Variants in NLRP14 observed in about 807,000 individuals in gnomAD.
NLRP14 encodes NLR family pyrin domain containing 14, also known as NACHT, LRR and PYD domains-containing protein 14.
Under a neutral mutation model 94.7 loss-of-function variants are expected in NLRP14, and 105 were observed. That is an observed-to-expected ratio of 1.11 (90% CI 0.95 to 1.30). NLRP14 has a LOEUF of 1.30. Ranked by LOEUF, NLRP14 falls within the 50% of genes most tolerant of loss-of-function variation. NLRP14 has a pLI of 0.00. For synonymous variants in NLRP14, 508 were observed against 459.9 expected (o/e 1.10, Z -1.34); for missense variants, 1,362 against 1,254.1 (o/e 1.09, Z -1.30).
At chr11:7,036,441 G>A (rs1852161490) in intron 1 of NLRP14, among the ~76,000 whole-genome samples, 1 of 152,000 alleles carries the variant, frequency 6.6e-6, no homozygotes, top group South Asian at 2.1e-4. Flanking sequence ...TCGGCTCAAA[G>A]GGACACCCAG....
chr11:7,077,956 G>C, the NLRP14 span, among the ~76,000 whole-genome samples: 6 of 151,862 alleles, frequency 4.0e-5, no homozygotes, highest in African/African-American at 1.5e-4. Context: ...GGTGGGGTGG[G>C]GGGGACCCTG....
At chr11:7,087,855 A>C in the NLRP14 span, among the ~76,000 whole-genome samples, 3 of 152,216 alleles carry the variant, frequency 2.0e-5, no homozygotes, top group Non-Finnish European at 4.4e-5. Context: ...GCATCACACA[A>C]AATGGACTAA....
chr11:7,049,889 G>A, intron 6 of NLRP14, 51 bp downstream of exon 6: 2 of 1,470,546 alleles, frequency 1.4e-6, no homozygotes, highest in Non-Finnish European at 1.9e-6. Flanking sequence ...TGAGGCTTTT[G>A]TCTATCCAAG....
rs1852552984 is a variant in NLRP14 at position 7,058,377 on chromosome 11, G to A, written c.2560G>A (p.Val854Ile). The change falls in exon 8 of 12, where the codon GTC (valine) becomes ATC (isoleucine). Residue 854 changes from valine to isoleucine, a missense_variant. Transcript: ENST00000299481. ...GACACATTTGTGCTTGGCAGACAAT[G>A]TCTTGGGTGATGGTGGAGTAAAGCT... ...RLTHLCLADN[V>I]LGDGGVKLMS... The A allele has an allele frequency of 6.2e-7, 1 of 1,612,788 alleles. No individual in the cohort carries two copies. The highest frequency in any genetic ancestry group is 1.3e-5 in the African/African-American group (1 of 74,844).
At chr11:7,083,232 G>A in the NLRP14 span, among the ~76,000 whole-genome samples, 1 of 152,240 alleles carries the variant, frequency 6.6e-6, no homozygotes, top group Non-Finnish European at 1.5e-5. Context: ...GCAAAGGCAT[G>A]TAAGCCAGCT....
At chr11:7,090,084 G>T in the NLRP14 span, 1 of 1,611,524 alleles carries the variant, frequency 6.2e-7, no homozygotes, top group East Asian at 2.2e-5. Flanking sequence ...CTACAGCGGC[G>T]GCCGCGACAG....
intron 1 of NLRP14, among the ~76,000 whole-genome samples, chr11:7,034,442 C>A (rs559374342): frequency 1.3e-5 from 2 of 152,268 alleles, no homozygotes; most frequent in South Asian, 2.1e-4. Flanking sequence ...AGCCCTGATT[C>A]CTTTTATTGG....
At chr11:7,058,696 G>A (rs1269684963) in intron 8 of NLRP14, among the ~76,000 whole-genome samples, 1 of 151,876 alleles carries the variant, frequency 6.6e-6, no homozygotes, top group Non-Finnish European at 1.5e-5. Flanking sequence ...ATTTTGAGGG[G>A]CCTCACTCTA....
the NLRP14 span, chr11:7,090,263 C>A: frequency 6.2e-7 from 1 of 1,607,212 alleles, no homozygotes. Flanking sequence ...GTCTAGGAGG[C>A]CGCTTGGAGA....
intron 8 of NLRP14, 58 bp from the exon 9 acceptor site, chr11:7,059,836 G>T (rs1325268794): frequency 2.1e-6 from 3 of 1,415,932 alleles, no homozygotes; most frequent in African/African-American, 2.8e-5. Flanking sequence ...TTCAGAGAAA[G>T]AAATCTCTGG....
At chr11:7,048,677 TC>T (rs1286515896) in intron 5 of NLRP14, among the ~76,000 whole-genome samples, 2 of 152,148 alleles carry the variant, frequency 1.3e-5, no homozygotes, top group Non-Finnish European at 2.9e-5. Flanking sequence ...TTCCTGGAAG[TC>T]CTTTCCACTC....
the NLRP14 span, among the ~76,000 whole-genome samples, chr11:7,081,389 C>A: frequency 2.0e-5 from 3 of 152,006 alleles, no homozygotes; most frequent in Admixed American, 6.6e-5. Flanking sequence ...TAGTATCACC[C>A]AAGATGGGCA....
At chr11:7,071,101 T>C in intron 11 of NLRP14, 72 bp from the exon 12 acceptor site, 1 of 1,553,620 alleles carries the variant, frequency 6.4e-7, no homozygotes, top group Non-Finnish European at 8.9e-7. Flanking sequence ...CTGAAATAAA[T>C]CCTTTACAGA....
At chr11:7,060,789 A>T (rs1852606370) in intron 9 of NLRP14, among the ~76,000 whole-genome samples, 1 of 152,128 alleles carries the variant, frequency 6.6e-6, no homozygotes, top group Non-Finnish European at 1.5e-5. Flanking sequence ...TGCTTTATGG[A>T]CATGATTTGG....
At chr11:7,028,682 G>A (rs997053955) in intron 1 of NLRP14, among the ~76,000 whole-genome samples, 13 of 151,992 alleles carry the variant, frequency 8.6e-5, no homozygotes, top group African/African-American at 3.1e-4. Flanking sequence ...TCTCTGATTC[G>A]TATTCCATTA....
Position 7,057,848 on chromosome 11 carries a change from G to C in NLRP14, c.2462+1G>C. The C allele has an allele frequency of 6.2e-7, 1 of 1,605,242 alleles. No homozygotes were observed. The highest frequency in any genetic ancestry group is 1.1e-5 in the South Asian group (1 of 90,990). On this transcript the variant is annotated splice_donor_variant, in intron 7 of 11. Coordinates refer to ENST00000299481, the MANE Select transcript of NLRP14 (RefSeq NM_176822.4). LOFTEE classifies it high-confidence loss of function. ...CAAAGTGTTATCTAGAGAGACTGTC[G>C]TGAGTGTTTCTGTTTTGTTTTCTGT...
chr11:7,069,301 GT>G (rs1852755583), intron 10 of NLRP14, among the ~76,000 whole-genome samples: 1 of 152,122 alleles, frequency 6.6e-6, no homozygotes, highest in Non-Finnish European at 1.5e-5. Context: ...CAAAAAAAAA[GT>G]TTTGTATGCT....
Position 7,049,661 on chromosome 11 carries a change from TC to T in NLRP14, c.2124-9del. The T allele has an allele frequency of 6.2e-7, 1 of 1,602,464 alleles. No homozygotes were observed. Among genetic ancestry groups the T allele is most frequent in the Non-Finnish European group, 8.6e-7 (1 of 1,169,432 alleles). On this transcript the variant is annotated splice_polypyrimidine_tract_variant and intron_variant, in intron 5 of 11. Transcript: ENST00000299481. ...TTTTGTAATACCTCCTGCATATTTT[TC>T]TTCTGAAGGTTGAAATTTATCACTT...
intron 6 of NLRP14, among the ~76,000 whole-genome samples, chr11:7,056,933 T>G (rs1013442560): frequency 1.3e-5 from 2 of 151,980 alleles, no homozygotes; most frequent in African/African-American, 4.8e-5. Context: ...CTCTGTTCCT[T>G]CCTCTATAGA....
Sources: allele counts gnomAD v4.1 joint callset (sites outside exome capture counted in the v4.1 genomes callset), GRCh38; gene constraint gnomAD v4.1.1; transcripts MANE v1.5; gene names NCBI Gene and HGNC (gene_info 2026-07-23, HGNC 2026-07-21).